SYNJ1: variants seen among roughly 807,000 people sequenced by gnomAD.
The protein encoded by SYNJ1 is synaptojanin 1, also known as polyphosphatidylinositol phosphatase SYNJ1.
A neutral mutation model predicts 168.2 loss-of-function variants in SYNJ1; 78 were observed. The ratio of observed to expected loss-of-function variants is 0.46; its 90% CI spans 0.39 to 0.56. The LOEUF (loss-of-function observed/expected upper bound fraction) is 0.56, where lower values mean the gene tolerates loss of function less well. SYNJ1 is among the 20% of genes least tolerant of loss of function. The pLI, the probability that SYNJ1 is intolerant of heterozygous loss-of-function variation, is 0.00. For missense variants in SYNJ1, 1,303 were observed against 1,597.6 expected, an observed-to-expected ratio of 0.82 and a Z score of 3.14; for synonymous variants, 539 against 548.6, an observed-to-expected ratio of 0.98 and a Z score of 0.24.
chr21:32,630,510 G>T lies in SYNJ1; in HGVS notation c.*1295C>A, dbSNP rs1343164767. 1 of 154,308 alleles carries T rather than the reference G, an allele frequency of 6.5e-6. No individual in the cohort carries two copies. Among genetic ancestry groups the T allele is most frequent in the Non-Finnish European group, 1.4e-5 (1 of 69,210 alleles). 9.6% of individuals were successfully genotyped at this position (154,308 alleles called of 1,614,324 possible). On this transcript the variant is annotated 3_prime_UTR_variant, in exon 33 of 33. Coordinates refer to ENST00000674351, the MANE Select transcript of SYNJ1 (RefSeq NM_203446.3). ...AATGTATACAGAAGTACATGTGTTT[G>T]TATGTATTATATATGTACACATACC... is the stretch of plus-strand genomic sequence containing the variant.
chr21:32,632,413 T>C (rs2039371789), intron 32 of SYNJ1, among the ~76,000 whole-genome samples: 1 of 151,106 alleles, frequency 6.6e-6, no homozygotes, highest in African/African-American at 2.4e-5. Context: ...GGAGACCAAG[T>C]CTTGTGCTGT....
intron 26 of SYNJ1, among the ~76,000 whole-genome samples, chr21:32,644,263 A>C (rs1163830395): frequency 6.6e-6 from 1 of 152,250 alleles, no homozygotes; most frequent in Non-Finnish European, 1.5e-5. Flanking sequence ...TAATGCTGAA[A>C]TAATTTAGCT....
chr21:32,668,692 C>A (rs1315457065), intron 15 of SYNJ1, among the ~76,000 whole-genome samples: 3 of 152,136 alleles, frequency 2.0e-5, no homozygotes, highest in Non-Finnish European at 2.9e-5. Context: ...TAAAAGCAAG[C>A]ATACTTTGTT....
chr21:32,633,132 T>C (rs999958123), intron 32 of SYNJ1, among the ~76,000 whole-genome samples: 19 of 152,178 alleles, frequency 1.2e-4, no homozygotes, highest in African/African-American at 4.6e-4. Flanking sequence ...AATGCAACCA[T>C]TGCTTAAAAC....
Position 32,639,667 on chromosome 21 carries a change from C to CT in SYNJ1, c.3697+3dup, listed in dbSNP as rs1398393061. ...CCTGCCTCAGCCTCCCAAAGAGGACCTACCTTTCGACGTTTCTGATGTTTT... is the reference window on the plus strand; with the variant it reads ...CCTGCCTCAGCCTCCCAAAGAGGACCTTACCTTTCGACGTTTCTGATGTTTT... On this transcript the variant is annotated splice_donor_region_variant and intron_variant, in intron 30 of 32. Coordinates refer to ENST00000674351, the MANE Select transcript of SYNJ1 (RefSeq NM_203446.3). 2 of 1,613,348 alleles carry CT rather than the reference C, an allele frequency of 1.2e-6. No homozygotes were observed. The highest frequency in any genetic ancestry group is 1.7e-6 in the Non-Finnish European group (2 of 1,179,676).
At chr21:32,670,972 T>C (rs1255057591) in intron 14 of SYNJ1, 1 of 233,150 alleles carries the variant, frequency 4.3e-6, no homozygotes, top group East Asian at 1.8e-4. Flanking sequence ...CAGGGAGACT[T>C]CGGGTGCCCC....
rs2039288548 is a variant in SYNJ1 at position 32,630,810 on chromosome 21, T to C, written c.*995A>G. ...AATACATCAAAACTCCAGTTAACAA[T>C]GAGAAGGGTTTTTCCTTATTTCCAA... is the stretch of plus-strand genomic sequence containing the variant. On this transcript the variant is annotated 3_prime_UTR_variant, in exon 33 of 33. Transcript: ENST00000674351. The C allele has an allele frequency of 1.8e-6, 1 of 563,846 alleles. No homozygotes were observed. The highest frequency in any genetic ancestry group is 1.9e-5 in the African/African-American group (1 of 53,762). The allele number at this position is 563,846 out of a possible 1,614,324, so 34.9% of individuals were successfully genotyped here. A position where few individuals can be genotyped will look rare whatever the true frequency, so the allele number is the denominator to read the frequency against.
chr21:32,690,286 C>T, intron 6 of SYNJ1, among the ~76,000 whole-genome samples: 1 of 152,244 alleles, frequency 6.6e-6, no homozygotes, highest in East Asian at 1.9e-4. Context: ...TAGCTCACTG[C>T]AGCCTCGACC....
intron 18 of SYNJ1, among the ~76,000 whole-genome samples, chr21:32,658,867 A>G (rs1367500543): frequency 1.3e-5 from 2 of 152,248 alleles, no homozygotes; most frequent in African/African-American, 4.8e-5. Flanking sequence ...TCCTGCTTCA[A>G]TACCACTTGT....
In SYNJ1 at chr21:32,686,973, C is replaced by T; in HGVS notation, c.948+5G>A. 1.3e-6 allele frequency: 2 copies of T among 1,520,920 alleles called. No individual in the cohort carries two copies. Among genetic ancestry groups the T allele is most frequent in the Non-Finnish European group, 1.8e-6 (2 of 1,133,066 alleles). The allele number at this position is 1,520,920 out of a possible 1,614,324, so 94.2% of individuals were successfully genotyped here. On this transcript the variant is annotated splice_donor_5th_base_variant and intron_variant, in intron 8 of 32. Transcript: ENST00000674351. ...CAGAATGAAATAAGAAATGACCATA[C>T]TTACCTGGAAAGCTTTACTTAGCAT...
Position 32,678,634 on chromosome 21 carries a change from AG to A in SYNJ1, c.1510+10del. On this transcript the variant is annotated intron_variant, in intron 12 of 32. Coordinates refer to ENST00000674351, the MANE Select transcript of SYNJ1 (RefSeq NM_203446.3). ...AATATAAATAACAAATAAAATATAA[AG>A]TGCACATACCACGCAAACTTCCAGT... 6.7e-7 allele frequency: 1 copy of A among 1,483,382 alleles called. No homozygotes were observed. 91.9% of individuals were successfully genotyped at this position (1,483,382 alleles called of 1,614,324 possible).
intron 10 of SYNJ1, among the ~76,000 whole-genome samples, chr21:32,682,029 T>C (rs992686341): frequency 1.5e-4 from 23 of 152,288 alleles, no homozygotes; most frequent in Middle Eastern, 3.4e-3. Context: ...CTTTAACTTT[T>C]GGATTTGGCT....
At position 32,685,774 on chromosome 21, in the gene SYNJ1, A is replaced by T. The variant is rs751662117; in HGVS notation, c.1092T>A (p.Phe364Leu). ...QVQKFLDYGF[F>L]YFNGSEVQRC... ...TTTGAACTTCACTTCCATTGAAATA[A>T]AAAAATCCATAATCTAGAAACTTCT... Residue 364 changes from phenylalanine to leucine, a missense_variant, in exon 9 of 33, where the codon TTT (phenylalanine) becomes TTA (leucine). Around this residue, in one of 2 missense-constraint regions of SYNJ1, gnomAD observed 920 missense variants for 1,208.8 expected, o/e 0.76. Coordinates refer to ENST00000674351, the MANE Select transcript of SYNJ1 (RefSeq NM_203446.3). The T allele has an allele frequency of 1.6e-5, 25 of 1,607,914 alleles. 1 individual carries two copies. In the South Asian group the frequency reaches 2.8e-4, roughly 18 times the overall value.
At chr21:32,643,524 C>A (rs1007468278) in intron 26 of SYNJ1, 67 bp from the exon 27 acceptor site, 11 of 1,501,552 alleles carry the variant, frequency 7.3e-6, no homozygotes, top group Non-Finnish European at 1.0e-5. Flanking sequence ...AAGGCAGGCA[C>A]ACAAGACAAT....
At chr21:32,648,975 C>T (rs1320685507) in intron 23 of SYNJ1, among the ~76,000 whole-genome samples, 1 of 152,200 alleles carries the variant, frequency 6.6e-6, no homozygotes, top group Non-Finnish European at 1.5e-5. Flanking sequence ...CACATGCTTT[C>T]TTCTTGGATC....
chr21:32,655,227 T>G (rs2040412488), intron 21 of SYNJ1, among the ~76,000 whole-genome samples: 1 of 152,194 alleles, frequency 6.6e-6, no homozygotes, highest in East Asian at 1.9e-4. Flanking sequence ...GTGCAGTATT[T>G]TACATTTGCT....
Position 32,645,128 on chromosome 21 carries a change from C to T in SYNJ1, c.3392-122G>A, listed in dbSNP as rs185807733. The stretch of plus-strand genomic sequence containing the variant: ...TCATGCAGGAATTACATATTATCTA[C>T]GTACTACAAAAACTATTATTCAATG... On this transcript the variant is annotated intron_variant, in intron 25 of 32. Coordinates refer to ENST00000674351, the MANE Select transcript of SYNJ1 (RefSeq NM_203446.3). 20 of 906,898 alleles carry T rather than the reference C, an allele frequency of 2.2e-5. No homozygotes were observed. The Admixed American group carries it at 2.5e-4, about 11-fold the overall frequency. The allele number at this position is 906,898 out of a possible 1,614,324, so 56.2% of individuals were successfully genotyped here. A position where few individuals can be genotyped will look rare whatever the true frequency, so the allele number is the denominator to read the frequency against.
chr21:32,656,527 A>G (rs1334290131), intron 21 of SYNJ1, among the ~76,000 whole-genome samples, 160 bp downstream of exon 21: 1 of 152,184 alleles, frequency 6.6e-6, no homozygotes, highest in African/African-American at 2.4e-5. Flanking sequence ...CCACAGTATG[A>G]TCTTGCTTTA....
At chr21:32,658,838 C>T (rs1016810398) in intron 18 of SYNJ1, among the ~76,000 whole-genome samples, 1 of 152,200 alleles carries the variant, frequency 6.6e-6, no homozygotes, top group Admixed American at 6.5e-5. Context: ...TTCCCACCTG[C>T]GAAGCAGTCA....
Sources: allele counts gnomAD v4.1 joint callset (sites outside exome capture counted in the v4.1 genomes callset), GRCh38; gene constraint gnomAD v4.1.1; regional missense constraint gnomAD v4.1.1; transcripts MANE v1.5; gene names NCBI Gene and HGNC (gene_info 2026-07-23, HGNC 2026-07-21).